The following SGCZ variants were observed in gnomAD, a reference collection of about 807,000 sequenced individuals.
The protein encoded by SGCZ is sarcoglycan zeta, also known as zeta-sarcoglycan.
In SGCZ, 40 loss-of-function variants were observed where a neutral mutation model predicts 41.3. The ratio of observed to expected loss-of-function variants is 0.97; its 90% CI spans 0.75 to 1.26. SGCZ has a LOEUF of 1.26. Ranked by LOEUF, SGCZ falls within the 50% of genes most tolerant of loss-of-function variation. SGCZ has a pLI of 0.00. For missense variants in SGCZ, 552 were observed against 369.8 expected (o/e 1.49, Z -4.04); for synonymous variants, 206 against 137.5 (o/e 1.50, Z -3.49).
chr8:14,591,016 T>C (rs1172120689), intron 1 of SGCZ, among the ~76,000 whole-genome samples: 2 of 146,180 alleles, frequency 1.4e-5, no homozygotes, highest in Admixed American at 6.7e-5. Flanking sequence ...ATGCCATCAT[T>C]TTTTTTTCAG....
rs542950490 is a variant in SGCZ, at chr8:14,544,341, T to C, written c.234+10391A>G. ...TTGTAAAACATGTGTGTTTGAACAATATGAAATCAGTGCACCTTGAAAAAT... is the reference window on the plus strand; with the variant it reads ...TTGTAAAACATGTGTGTTTGAACAACATGAAATCAGTGCACCTTGAAAAAT... On this transcript the variant is annotated intron_variant, in intron 2 of 7. Coordinates refer to ENST00000382080, the MANE Select transcript of SGCZ (RefSeq NM_139167.4). 2.6e-5 allele frequency among the ~76,000 whole-genome samples: 4 copies of C among 152,192 alleles called. No homozygotes were observed. In the East Asian group the frequency reaches 5.8e-4, roughly 22 times the overall value.
At chr8:14,324,078 G>A (rs1179281603) in intron 3 of SGCZ, 25 bp downstream of exon 3, 15 of 1,512,184 alleles carry the variant, frequency 9.9e-6, no homozygotes, top group Non-Finnish European at 1.4e-5. Flanking sequence ...ATCTTTTAGA[G>A]TAAGCCAAAG....
At chr8:15,233,588 G>T (rs573967549) in intron 1 of SGCZ, among the ~76,000 whole-genome samples, 1 of 151,926 alleles carries the variant, frequency 6.6e-6, no homozygotes, top group Admixed American at 6.5e-5. Flanking sequence ...TCAAGTTCTT[G>T]GTAGATGAAA....
intron 4 of SGCZ, among the ~76,000 whole-genome samples, chr8:14,174,026 T>C (rs1458672995): frequency 6.6e-6 from 1 of 152,024 alleles, no homozygotes; most frequent in Non-Finnish European, 1.5e-5. Context: ...AGCTACTTTG[T>C]AATGAGAATA....
At chr8:14,128,918 G>C (rs1391253251) in intron 5 of SGCZ, among the ~76,000 whole-genome samples, 1 of 152,138 alleles carries the variant, frequency 6.6e-6, no homozygotes, top group Non-Finnish European at 1.5e-5. Context: ...ATTGACAATA[G>C]AGACTCCAAA....
At chr8:14,540,980 G>A (rs1161566103) in intron 2 of SGCZ, among the ~76,000 whole-genome samples, 2 of 150,496 alleles carry the variant, frequency 1.3e-5, no homozygotes, top group Non-Finnish European at 3.0e-5. Context: ...TAATGTTAAT[G>A]TTCTTATGTA....
chr8:14,219,547 G>C (rs1407497180), intron 4 of SGCZ, among the ~76,000 whole-genome samples: 1 of 152,126 alleles, frequency 6.6e-6, no homozygotes, highest in Non-Finnish European at 1.5e-5. Context: ...AGGAGTTCGA[G>C]ACCAGCCTGG....
chr8:14,497,123 G>A (rs186317634), intron 2 of SGCZ, among the ~76,000 whole-genome samples: 100 of 152,224 alleles, frequency 6.6e-4, no homozygotes, highest in African/African-American at 2.3e-3. Flanking sequence ...AATCTGTCAG[G>A]GGTTGTGTTA....
At chr8:14,530,669 A>G (rs1803099886) in intron 2 of SGCZ, among the ~76,000 whole-genome samples, 1 of 112,018 alleles carries the variant, frequency 8.9e-6, no homozygotes, top group African/African-American at 3.5e-5. Context: ...AGAACTATAT[A>G]AGTTAAAATA....
At chr8:15,150,377 A>T (rs1799144633) in intron 1 of SGCZ, among the ~76,000 whole-genome samples, 1 of 152,222 alleles carries the variant, frequency 6.6e-6, no homozygotes, top group African/African-American at 2.4e-5. Flanking sequence ...TAATGCATTA[A>T]TTAATTGACC....
chr8:14,219,354 C>A (rs1467960384), intron 4 of SGCZ, among the ~76,000 whole-genome samples: 1 of 152,136 alleles, frequency 6.6e-6, no homozygotes, highest in Non-Finnish European at 1.5e-5. Context: ...TGATGAGATG[C>A]AACAAAAACT....
At chr8:14,771,455 A>G (rs1256138342) in intron 1 of SGCZ, among the ~76,000 whole-genome samples, 1 of 152,122 alleles carries the variant, frequency 6.6e-6, no homozygotes, top group East Asian at 1.9e-4. Context: ...GAAAGAAAAT[A>G]TTTGATTTTT....
chr8:14,096,255 A>G (rs149922084), intron 7 of SGCZ, among the ~76,000 whole-genome samples: 4 of 152,142 alleles, frequency 2.6e-5, no homozygotes, highest in East Asian at 3.9e-4. Context: ...TAAATTGCTC[A>G]TATTATTTTG....
At chr8:15,181,083 C>A (rs1436685910) in intron 1 of SGCZ, among the ~76,000 whole-genome samples, 1 of 151,696 alleles carries the variant, frequency 6.6e-6, no homozygotes, top group African/African-American at 2.4e-5. Context: ...AATAAAAAGC[C>A]ATTAAAAGAA....
chr8:15,114,137 T>C (rs1807173983), intron 1 of SGCZ, among the ~76,000 whole-genome samples: 1 of 152,224 alleles, frequency 6.6e-6, no homozygotes, highest in African/African-American at 2.4e-5. Flanking sequence ...AATCTGTCAT[T>C]CTAACTTGCA....
chr8:15,165,442 G>A lies in SGCZ; in HGVS notation c.39+72143C>T, dbSNP rs370727455. Among the ~76,000 whole-genome samples the A allele has an allele frequency of 8.5e-5, 13 of 152,292 alleles. No homozygotes were observed. In the East Asian group the frequency reaches 2.5e-3, roughly 29 times the overall value. ...TGCGGGTCAGAAGCAAGGTTTGCCA[G>A]GTGTTTTGAGGTTACAAACTGCTTT... is the stretch of plus-strand genomic sequence containing the variant. On this transcript the variant is annotated intron_variant, in intron 1 of 7. Transcript: ENST00000382080.
At chr8:14,527,995 T>C (rs767006853) in intron 2 of SGCZ, among the ~76,000 whole-genome samples, 1 of 152,086 alleles carries the variant, frequency 6.6e-6, no homozygotes, top group Non-Finnish European at 1.5e-5. Flanking sequence ...ACTTACATGT[T>C]TCAAAATTAG....
At chr8:14,984,130 C>T (rs78297434) in intron 1 of SGCZ, among the ~76,000 whole-genome samples, 4,029 of 152,134 alleles carry the variant, frequency 0.026, 206 homozygotes, top group African/African-American at 0.092. Flanking sequence ...ATATAGAGAG[C>T]GCTGTAGTAT....
chr8:14,930,425 T>C (rs1248448974), intron 1 of SGCZ, among the ~76,000 whole-genome samples: 1 of 152,078 alleles, frequency 6.6e-6, no homozygotes, highest in Non-Finnish European at 1.5e-5. Flanking sequence ...GAAGACAGTG[T>C]GGAGATTCCT....
Sources: gnomAD v4.1 joint callset for allele counts (sites outside exome capture counted in the v4.1 genomes callset) on GRCh38, gnomAD v4.1.1 for gene constraint, MANE v1.5 for transcripts, NCBI Gene and HGNC (gene_info 2026-07-23, HGNC 2026-07-21) for gene names.